The following BLK variants were observed in gnomAD, a reference collection of about 807,000 sequenced individuals.
The protein encoded by BLK is BLK proto-oncogene, Src family tyrosine kinase.
Under a neutral mutation model 61.8 loss-of-function variants are expected in BLK, and 64 were observed. The observed-to-expected ratio is 1.03, with a 90% CI of 0.85 to 1.27. BLK has a LOEUF of 1.27. Among genes scored for constraint, BLK ranks in the 50% most tolerant of loss-of-function variants. The pLI is 0.00. For synonymous variants in BLK, 351 were observed against 272.0 expected, an observed-to-expected ratio of 1.29 and a Z score of -2.86; for missense variants, 853 against 660.5, an observed-to-expected ratio of 1.29 and a Z score of -3.19.
chr8:11,513,369 A>T (rs2618455), intron 1 of BLK, among the ~76,000 whole-genome samples: 1 of 152,088 alleles, frequency 6.6e-6, no homozygotes, highest in Admixed American at 6.5e-5. Context: ...GAGTGGAGAG[A>T]CGAAGAGAAA....
chr8:11,538,005 G>A (rs1198615712), intron 1 of BLK, among the ~76,000 whole-genome samples: 1 of 151,938 alleles, frequency 6.6e-6, no homozygotes, highest in Non-Finnish European at 1.5e-5. Context: ...TGACTCCCCC[G>A]ACTAGACACA....
At chr8:11,545,861 G>A (rs1258651858) in intron 2 of BLK, 191 bp from the exon 3 acceptor site, 10 of 693,530 alleles carry the variant, frequency 1.4e-5, no homozygotes, top group Admixed American at 6.0e-5. Flanking sequence ...AGCAGAGGGC[G>A]GGGGTCTGTC....
At chr8:11,519,506 G>T (rs1799355553) in intron 1 of BLK, among the ~76,000 whole-genome samples, 1 of 152,134 alleles carries the variant, frequency 6.6e-6, no homozygotes, top group Non-Finnish European at 1.5e-5. Flanking sequence ...TTTACTATTA[G>T]CTTGAATGAC....
intron 6 of BLK, among the ~76,000 whole-genome samples, chr8:11,551,123 A>G (rs1032191525): frequency 3.3e-5 from 5 of 152,082 alleles, no homozygotes; most frequent in African/African-American, 9.7e-5. Flanking sequence ...AGCTTGATGT[A>G]GATAGAATCA....
intron 7 of BLK, 133 bp downstream of exon 7, chr8:11,555,022 G>A: frequency 7.2e-7 from 1 of 1,394,172 alleles, no homozygotes; most frequent in Non-Finnish European, 9.7e-7. Context: ...TAGGCCTAAG[G>A]AGGTAGCAAC....
intron 10 of BLK, chr8:11,559,683 C>G (rs1229961280): frequency 2.2e-6 from 1 of 451,742 alleles, no homozygotes; most frequent in Non-Finnish European, 4.4e-6. Flanking sequence ...CAATCACAAT[C>G]CCTCGGGCCC....
chr8:11,544,029 C>G (rs1800509845), intron 2 of BLK, among the ~76,000 whole-genome samples: 1 of 151,446 alleles, frequency 6.6e-6, no homozygotes, highest in Non-Finnish European at 1.5e-5. Flanking sequence ...GTGGTGGGAC[C>G]TTGGCTCACT....
At chr8:11,550,406 C>A in intron 6 of BLK, 144 bp downstream of exon 6, 1 of 799,864 alleles carries the variant, frequency 1.3e-6, no homozygotes, top group Non-Finnish European at 2.1e-6. Flanking sequence ...CCAATTCAGG[C>A]CCTGCCCGGG....
Position 11,557,979 on chromosome 8 carries a change from C to T in BLK, c.970C>T (p.Leu324=). The T allele has an allele frequency of 6.2e-7, 1 of 1,614,062 alleles. No homozygotes were observed. The highest frequency in any genetic ancestry group is 8.5e-7 in the Non-Finnish European group (1 of 1,179,938). The change falls in exon 10 of 13, where the codon CTG becomes TTG. Residue 324 remains leucine, a synonymous_variant. Transcript: ENST00000259089. The part of the protein sequence containing the change: ...YMARGCLLDF[L]KTDEGSRLSL... ...TTTCTTAGGATGCCTGCTGGATTTC[C>T]TGAAGACAGATGAAGGGAGCAGATT... is the stretch of plus-strand genomic sequence containing the variant.
At chr8:11,535,607 A>G (rs1800104155) in intron 1 of BLK, among the ~76,000 whole-genome samples, 1 of 152,210 alleles carries the variant, frequency 6.6e-6, no homozygotes, top group South Asian at 2.1e-4. Context: ...ATGGAATCAG[A>G]GCACGCCCAT....
chr8:11,545,907 C>A, intron 2 of BLK, 145 bp from the exon 3 acceptor site: 1 of 865,320 alleles, frequency 1.2e-6, no homozygotes, highest in East Asian at 2.4e-5. Flanking sequence ...CAGAATGTCC[C>A]TGAGCAGCCC....
chr8:11,539,583 T>C (rs1052878189), intron 1 of BLK, among the ~76,000 whole-genome samples: 23 of 152,318 alleles, frequency 1.5e-4, no homozygotes, highest in Middle Eastern at 6.8e-3. Context: ...TATGTGTGCT[T>C]TTTTATTTTA....
intron 11 of BLK, among the ~76,000 whole-genome samples, 173 bp downstream of exon 11, chr8:11,561,625 T>C (rs960146116): frequency 1.3e-5 from 2 of 152,122 alleles, no homozygotes; most frequent in African/African-American, 2.4e-5. Context: ...TTCAGCAGAA[T>C]GGTAGTGCCC....
At chr8:11,535,509 T>G (rs1800098446) in intron 1 of BLK, among the ~76,000 whole-genome samples, 1 of 152,242 alleles carries the variant, frequency 6.6e-6, no homozygotes, top group African/African-American at 2.4e-5. Context: ...CCAACCCTGT[T>G]GGGAGTGTGC....
At chr8:11,549,146 T>A in intron 5 of BLK, 24 bp downstream of exon 5, 1 of 1,566,186 alleles carries the variant, frequency 6.4e-7, no homozygotes, top group Non-Finnish European at 8.7e-7. Flanking sequence ...GGAACCCCCC[T>A]CGAGCCAAGA....
At chr8:11,557,000 C>A (rs1801270895) in intron 9 of BLK, among the ~76,000 whole-genome samples, 163 bp downstream of exon 9, 3 of 151,300 alleles carry the variant, frequency 2.0e-5, no homozygotes, top group Admixed American at 2.0e-4. Flanking sequence ...GGGGGAGGGA[C>A]AGAGGGAGGG....
intron 7 of BLK, 70 bp from the exon 8 acceptor site, chr8:11,555,262 G>T: frequency 6.2e-7 from 1 of 1,606,292 alleles, no homozygotes. Flanking sequence ...AGCTAGGAAT[G>T]ATACAGCTCC....
intron 10 of BLK, among the ~76,000 whole-genome samples, chr8:11,559,376 C>G (rs4841559): frequency 6.7e-6 from 1 of 149,618 alleles, no homozygotes; most frequent in Admixed American, 6.6e-5. Flanking sequence ...CACACAGACA[C>G]GCAAACTCAC....
chr8:11,560,756 C>T (rs1238740758), intron 10 of BLK: 3 of 426,394 alleles, frequency 7.0e-6, no homozygotes, highest in South Asian at 4.9e-5. Context: ...CACAAATCAA[C>T]CTCGTCTAAT....
Sources: allele counts gnomAD v4.1 joint callset (sites outside exome capture counted in the v4.1 genomes callset), GRCh38; gene constraint gnomAD v4.1.1; transcripts MANE v1.5; gene names NCBI Gene and HGNC (gene_info 2026-07-23, HGNC 2026-07-21).